Variants in OAS3 observed in about 807,000 individuals in gnomAD.
OAS3 encodes the protein 2'-5'-oligoadenylate synthetase 3, also known as 2'-5'-oligoadenylate synthase 3.
OAS3 carries 107 observed loss-of-function variants against 113.0 expected under a neutral mutation model. The ratio of observed to expected loss-of-function variants is 0.95; its 90% CI spans 0.81 to 1.11. The LOEUF is 1.11. Ranked by LOEUF, OAS3 falls within the 50% of genes most tolerant of loss-of-function variation. OAS3 has a pLI of 0.00. For missense variants in OAS3, 1,258 were observed against 1,389.1 expected (o/e 0.91, Z 1.50); for synonymous variants, 552 against 573.6 (o/e 0.96, Z 0.54).
chr12:112,970,462 T>G lies in OAS3; in HGVS notation c.*489T>G, dbSNP rs1302470783. 1 of 176,546 alleles carries G rather than the reference T, an allele frequency of 5.7e-6. No homozygotes were observed. The highest frequency in any genetic ancestry group is 2.4e-5 in the African/African-American group (1 of 42,226). The allele number at this position is 176,546 out of a possible 1,614,324, so 10.9% of individuals were successfully genotyped here. ...TCTGTCAGCCACAGTCATTTGGTAC[T>G]GGCTACCTGGAGCCTTATCTTCTGA... On this transcript the variant is annotated 3_prime_UTR_variant, in exon 16 of 16. Transcript: ENST00000228928.
rs45603631 is a variant in OAS3, at chr12:112,963,394, G to A, written c.2166G>A (p.Ala722=). 210,455 of 1,552,500 alleles carry A rather than the reference G, an allele frequency of 0.14. 15,102 individuals are homozygous for A. Among genetic ancestry groups the A allele is most frequent in the Non-Finnish European group, 0.15 (170,382 of 1,147,394 alleles). ...SWELLAQEAA[A]LGMQACFLSR... ...AGCTGTTGGCCCAGGAAGCAGCAGC[G>A]CTGGGGATGCAGGCCTGCTTTCTGA... is the stretch of plus-strand genomic sequence containing the variant. Residue 722 remains alanine, a synonymous_variant, in exon 10 of 16, where the codon GCG becomes GCA. Coordinates refer to ENST00000228928, the MANE Select transcript of OAS3 (RefSeq NM_006187.4). The surrounding 1 kb of genome is among the most constrained non-coding windows in gnomAD (Gnocchi z 4.6).
At chr12:112,943,708 TA>T (rs35843753) in intron 2 of OAS3, among the ~76,000 whole-genome samples, 4 of 152,006 alleles carry the variant, frequency 2.6e-5, no homozygotes, top group African/African-American at 7.3e-5. Flanking sequence ...CAGTATGCAG[TA>T]AAAAAAATAT....
At chr12:112,958,542 T>A (rs987671766) in intron 7 of OAS3, among the ~76,000 whole-genome samples, 1 of 152,252 alleles carries the variant, frequency 6.6e-6, no homozygotes, top group African/African-American at 2.4e-5. Flanking sequence ...GTCCTTTCTG[T>A]TTGTTAGTTT....
intron 7 of OAS3, among the ~76,000 whole-genome samples, chr12:112,955,044 G>A (rs993994832): frequency 6.6e-6 from 1 of 152,164 alleles, no homozygotes; most frequent in African/African-American, 2.4e-5. Flanking sequence ...CACATCCATT[G>A]TAAGTTGGAT....
chr12:112,964,290 T>G lies in OAS3; in HGVS notation c.2285T>G (p.Phe762Cys). 1 of 1,605,642 alleles carries G rather than the reference T, an allele frequency of 6.2e-7. No individual in the cohort carries two copies. The highest frequency in any genetic ancestry group is 8.5e-7 in the Non-Finnish European group (1 of 1,175,786). Reference sequence around the variant, plus strand: ...GACCTTGACAAGTTCATCAGTGAATTTCTCCAGCCCAACCGCCAGTTCCTG... The same window carrying G: ...GACCTTGACAAGTTCATCAGTGAATGTCTCCAGCCCAACCGCCAGTTCCTG... Reference protein sequence around the residue: ...AGDLDKFISEFLQPNRQFLAQ... With the variant: ...AGDLDKFISECLQPNRQFLAQ... Residue 762 changes from phenylalanine (F) to cysteine (C), a missense_variant, in exon 11 of 16, where the codon TTT becomes TGT. Phe to Cys is a radical substitution (Grantham distance 205). Coordinates refer to ENST00000228928, the MANE Select transcript of OAS3 (RefSeq NM_006187.4).
Position 112,946,754 on chromosome 12 carries a change from G to A in OAS3, c.648G>A (p.Gln216=). ...VKHWYHQVCL[Q]GLWKETLPPV... is the part of the protein sequence containing the mutation. ...ATGCCCTCTCACAGGTGTGCCTACAGGGGTTGTGGAAGGAGACGCTGCCCC... is the reference window on the plus strand; with the variant it reads ...ATGCCCTCTCACAGGTGTGCCTACAAGGGTTGTGGAAGGAGACGCTGCCCC... Residue 216 remains glutamine, a synonymous_variant, in exon 4 of 16, where the codon CAG becomes CAA. Coordinates refer to ENST00000228928, the MANE Select transcript of OAS3 (RefSeq NM_006187.4). 6.2e-7 allele frequency: 1 copy of A among 1,610,090 alleles called. No homozygotes were observed.
intron 6 of OAS3, among the ~76,000 whole-genome samples, chr12:112,949,671 T>C (rs2043771323): frequency 1.3e-5 from 2 of 152,174 alleles, no homozygotes; most frequent in Non-Finnish European, 2.9e-5. Flanking sequence ...TCTCTCCTCT[T>C]CAAGTTTCTT....
intron 3 of OAS3, 70 bp downstream of exon 3, chr12:112,944,721 G>A (rs2043712234): frequency 6.5e-7 from 1 of 1,532,562 alleles, no homozygotes; most frequent in African/African-American, 1.4e-5. Flanking sequence ...TCGTGAAACT[G>A]TTGTCTTACA....
At chr12:112,964,093 C>T in intron 10 of OAS3, 142 bp from the exon 11 acceptor site, 1 of 840,128 alleles carries the variant, frequency 1.2e-6, no homozygotes, top group South Asian at 1.8e-5. Context: ...GATGCTACCT[C>T]AGAACCTACC....
intron 1 of OAS3, among the ~76,000 whole-genome samples, chr12:112,940,211 A>G (rs1310861217): frequency 6.6e-6 from 1 of 152,162 alleles, no homozygotes; most frequent in African/African-American, 2.4e-5. Flanking sequence ...AACGTGCAGG[A>G]AGTGCCCAGC....
intron 2 of OAS3, among the ~76,000 whole-genome samples, 174 bp from the exon 3 acceptor site, chr12:112,944,302 C>T (rs544333994): frequency 2.0e-5 from 3 of 152,338 alleles, no homozygotes; most frequent in Middle Eastern, 6.8e-3. Flanking sequence ...TTCCCTGCCT[C>T]CTGAAAAGCT....
chr12:112,948,178 C>A, intron 5 of OAS3, 79 bp downstream of exon 5: 1 of 1,363,064 alleles, frequency 7.3e-7, no homozygotes, highest in Non-Finnish European at 9.7e-7. Context: ...CTACTATGTG[C>A]CATATGGTGT....
chr12:112,946,029 C>A (rs1290507101), intron 3 of OAS3, among the ~76,000 whole-genome samples: 1 of 152,026 alleles, frequency 6.6e-6, no homozygotes, highest in East Asian at 1.9e-4. Context: ...ATGGAGCCAG[C>A]CTGGTTGGGC....
chr12:112,960,412 C>A (rs1256355241), intron 7 of OAS3, among the ~76,000 whole-genome samples: 1 of 152,116 alleles, frequency 6.6e-6, no homozygotes, highest in Non-Finnish European at 1.5e-5. Flanking sequence ...TTTGCAGTCA[C>A]TTTTCATGAA....
chr12:112,948,165 C>T (rs987399568), intron 5 of OAS3, 66 bp downstream of exon 5: 45 of 1,423,542 alleles, frequency 3.2e-5, no homozygotes, highest in Non-Finnish European at 3.3e-5. Context: ...GTTTCCTGAG[C>T]ATCTACTATG....
Position 112,948,048 on chromosome 12 carries a change from C to G in OAS3, c.978C>G (p.His326Gln), listed in dbSNP as rs774562321. 1.3e-6 allele frequency: 2 copies of G among 1,588,450 alleles called. No individual in the cohort carries two copies. The highest frequency in any genetic ancestry group is 2.3e-5 in the South Asian group (2 of 87,954). ...AGGAGGCAGCATCCTGCTATGACCA[C>G]CCATGCTTTCTGAGGGGGATGGGGG... ...LAQEAASCYD[H>Q]PCFLRGMGDP... is the part of the protein sequence containing the mutation. The change falls in exon 5 of 16, where the codon CAC becomes CAG. Residue 326 changes from histidine (H) to glutamine (Q), a missense_variant. Physicochemically the swap from His to Gln is conservative, Grantham distance 24. Coordinates refer to ENST00000228928, the MANE Select transcript of OAS3 (RefSeq NM_006187.4).
In OAS3 at chr12:112,970,257, C is replaced by A. The variant is rs996755156; in HGVS notation, c.*284C>A. On this transcript the variant is annotated 3_prime_UTR_variant, in exon 16 of 16. Transcript: ENST00000228928. The stretch of plus-strand genomic sequence containing the variant: ...TCTCTGTCACTTCCATGACTCTATC[C>A]TCATACCACCACTGCTGCTTCCCAC... 2 of 521,816 alleles carry A rather than the reference C, an allele frequency of 3.8e-6. No individual in the cohort carries two copies. The highest frequency in any genetic ancestry group is 6.9e-6 in the Non-Finnish European group (2 of 289,826). The allele number at this position is 521,816 out of a possible 1,614,324, so 32.3% of individuals were successfully genotyped here.
At chr12:112,942,836 C>A (rs539736047) in intron 2 of OAS3, among the ~76,000 whole-genome samples, 38 of 148,490 alleles carry the variant, frequency 2.6e-4, no homozygotes, top group Middle Eastern at 3.5e-3. Flanking sequence ...TATTATTTAC[C>A]TTGATGATCT....
chr12:112,963,476 G>A lies in OAS3; in HGVS notation c.2229+19G>A. 6.6e-7 allele frequency: 1 copy of A among 1,509,372 alleles called. No homozygotes were observed. The highest frequency in any genetic ancestry group is 1.4e-5 in the African/African-American group (1 of 71,660). The allele number at this position is 1,509,372 out of a possible 1,614,324, so 93.5% of individuals were successfully genotyped here. Reference sequence around the variant, plus strand: ...TGTGATGGTAAGATGGAGGGTCCTGGGGGGCAGGGGGCCCTGCACCCTGCC... The same window carrying A: ...TGTGATGGTAAGATGGAGGGTCCTGAGGGGCAGGGGGCCCTGCACCCTGCC... On this transcript the variant is annotated intron_variant, in intron 10 of 15. Transcript: ENST00000228928. The surrounding 1 kb of genome is among the most constrained non-coding windows in gnomAD (Gnocchi z 4.6).
Sources: gnomAD v4.1 joint callset for allele counts (sites outside exome capture counted in the v4.1 genomes callset) on GRCh38, gnomAD v4.1.1 for gene constraint, Gnocchi (gnomAD v3.1) non-coding constraint, MANE v1.5 for transcripts, NCBI Gene and HGNC (gene_info 2026-07-23, HGNC 2026-07-21) for gene names.